Variants in DGKB observed in about 807,000 individuals in gnomAD.
DGKB encodes diacylglycerol kinase beta.
In DGKB, 67 loss-of-function variants were observed where a neutral mutation model predicts 114.3. The ratio of observed to expected loss-of-function variants is 0.59; its 90% CI spans 0.48 to 0.72. The LOEUF (loss-of-function observed/expected upper bound fraction) is 0.72, where lower values mean the gene tolerates loss of function less well. Among genes scored for constraint, DGKB ranks in the 30% least tolerant of loss-of-function variants. The pLI, the probability that DGKB is intolerant of heterozygous loss-of-function variation, is 0.00. For missense variants in DGKB, 907 were observed against 975.2 expected, an observed-to-expected ratio of 0.93 and a Z score of 0.93; for synonymous variants, 398 against 323.1, an observed-to-expected ratio of 1.23 and a Z score of -2.49.
At chr7:14,628,158 T>C (rs974106046) in intron 14 of DGKB, among the ~76,000 whole-genome samples, 5 of 152,124 alleles carry the variant, frequency 3.3e-5, no homozygotes, top group Admixed American at 6.6e-5. Context: ...CCTCAATCTG[T>C]TTATGCCAGT....
At chr7:14,821,725 C>G (rs190535212) in intron 2 of DGKB, among the ~76,000 whole-genome samples, 214 of 152,130 alleles carry the variant, frequency 1.4e-3, no homozygotes, top group African/African-American at 5.0e-3. Flanking sequence ...AGATTTTAGG[C>G]AGGGGAATGA....
chr7:14,768,225 A>G (rs1448210537), intron 2 of DGKB, among the ~76,000 whole-genome samples: 1 of 151,986 alleles, frequency 6.6e-6, no homozygotes, highest in Non-Finnish European at 1.5e-5. Context: ...GCATCCACTC[A>G]TCTTTATGGT....
upstream of DGKB, among the ~76,000 whole-genome samples, chr7:14,908,303 C>T (rs936217954): frequency 3.9e-5 from 6 of 152,190 alleles, no homozygotes; most frequent in Admixed American, 3.3e-4. Flanking sequence ...ATCACTCTTT[C>T]TAACACGCTG....
At chr7:14,621,525 A>C (rs751736404) in intron 14 of DGKB, 31 bp from the exon 15 acceptor site, 1 of 1,274,492 alleles carries the variant, frequency 7.8e-7, no homozygotes, top group Admixed American at 2.1e-5. Flanking sequence ...ATAAAAATAA[A>C]AATTAGGAAA....
chr7:14,291,211 G>C (rs1304250018), intron 23 of DGKB, among the ~76,000 whole-genome samples: 2 of 149,622 alleles, frequency 1.3e-5, no homozygotes, highest in Non-Finnish European at 2.9e-5. Context: ...ACGTAAGTAA[G>C]GCCAAGTACA....
chr7:14,314,229 C>G (rs1432028441), intron 23 of DGKB, among the ~76,000 whole-genome samples: 1 of 152,144 alleles, frequency 6.6e-6, no homozygotes, highest in East Asian at 1.9e-4. Context: ...GAGCGCCTCT[C>G]CTCCTCCAAA....
At chr7:14,345,043 C>G (rs910302814) in intron 22 of DGKB, among the ~76,000 whole-genome samples, 2 of 151,680 alleles carry the variant, frequency 1.3e-5, no homozygotes, top group African/African-American at 4.8e-5. Flanking sequence ...CCAGTAACAA[C>G]TGCATCAATT....
At chr7:14,827,686 A>G (rs993302851) in intron 2 of DGKB, among the ~76,000 whole-genome samples, 2 of 152,078 alleles carry the variant, frequency 1.3e-5, no homozygotes. Context: ...TGAAATGTGG[A>G]GACGCCTTAT....
At chr7:14,198,836 T>TG (rs1785403578) in intron 23 of DGKB, among the ~76,000 whole-genome samples, 39 of 152,030 alleles carry the variant, frequency 2.6e-4, no homozygotes, top group Admixed American at 2.6e-3. Flanking sequence ...TGGGAGGTCA[T>TG]GAGGAGGGAT....
chr7:14,530,667 C>T (rs914426723), intron 20 of DGKB, among the ~76,000 whole-genome samples: 3 of 151,360 alleles, frequency 2.0e-5, no homozygotes, highest in Non-Finnish European at 4.4e-5. Flanking sequence ...GAGATATGTG[C>T]CATATACAAG....
At chr7:14,514,774 C>T (rs943694012) in intron 20 of DGKB, among the ~76,000 whole-genome samples, 4 of 151,954 alleles carry the variant, frequency 2.6e-5, no homozygotes, top group Non-Finnish European at 4.4e-5. Context: ...AAAAAGGAGG[C>T]CAGGTACAGT....
chr7:14,941,623 G>T (rs1264454757), intron 1 of DGKB, among the ~76,000 whole-genome samples: 1 of 151,998 alleles, frequency 6.6e-6, no homozygotes, highest in Non-Finnish European at 1.5e-5. Context: ...ATTAATGAGG[G>T]TGATTTAAAT....
intron 1 of DGKB, among the ~76,000 whole-genome samples, chr7:14,944,202 C>A (rs984391577): frequency 6.6e-6 from 1 of 152,008 alleles, no homozygotes; most frequent in African/African-American, 2.4e-5. Context: ...GGTGGAAGAA[C>A]TGAGAACTGC....
At chr7:14,387,875 CCTTTT>C (rs1423971162) in intron 21 of DGKB, among the ~76,000 whole-genome samples, 364 of 130,856 alleles carry the variant, frequency 2.8e-3, no homozygotes, top group Middle Eastern at 0.013. Context: ...GTTGAAGTGT[CCTTTT>C]CTTTTTTTTT....
At chr7:14,318,637 A>G (rs1297672451) in intron 23 of DGKB, among the ~76,000 whole-genome samples, 1 of 152,044 alleles carries the variant, frequency 6.6e-6, no homozygotes, top group East Asian at 1.9e-4. Flanking sequence ...TCAGGAAACA[A>G]CAGGTGCTGG....
At chr7:14,727,370 A>C (rs1331069823) in intron 5 of DGKB, among the ~76,000 whole-genome samples, 2 of 152,164 alleles carry the variant, frequency 1.3e-5, no homozygotes, top group Admixed American at 6.5e-5. Flanking sequence ...TAAAAACAGG[A>C]CCACAAAATT....
rs73680495 is a variant in DGKB, at chr7:14,617,595, C to A, written c.1284+3783G>T. Among the ~76,000 whole-genome samples, 798 of 151,722 alleles carry A rather than the reference C, an allele frequency of 5.3e-3. 7 individuals carry two copies. The highest frequency in any genetic ancestry group is 0.018 in the African/African-American group (748 of 41,486). On this transcript the variant is annotated intron_variant, in intron 15 of 25. Transcript: ENST00000402815. Reference sequence around the variant, plus strand: ...ACCATTCAATCATGTCACTCCTCTGCTTATCTTTCCCACCAATATCTTCTC... The same window carrying A: ...ACCATTCAATCATGTCACTCCTCTGATTATCTTTCCCACCAATATCTTCTC...
intron 9 of DGKB, among the ~76,000 whole-genome samples, chr7:14,686,529 T>C (rs904339719): frequency 6.6e-5 from 10 of 152,172 alleles, no homozygotes; most frequent in Admixed American, 1.3e-4. Flanking sequence ...TTTCTGAGCA[T>C]GTTTTAAGTG....
intron 20 of DGKB, among the ~76,000 whole-genome samples, chr7:14,523,918 T>A (rs1790205147): frequency 6.6e-6 from 1 of 152,158 alleles, no homozygotes; most frequent in African/African-American, 2.4e-5. Flanking sequence ...GTGTTATGTT[T>A]CTGCAATGAC....
Sources: gnomAD v4.1 joint callset for allele counts (sites outside exome capture counted in the v4.1 genomes callset) on GRCh38, gnomAD v4.1.1 for gene constraint, MANE v1.5 for transcripts, NCBI Gene and HGNC (gene_info 2026-07-23, HGNC 2026-07-21) for gene names.